The following ERBB4 variants were observed in gnomAD, a reference collection of about 807,000 sequenced individuals.
The protein encoded by ERBB4 is receptor tyrosine-protein kinase erbB-4.
A neutral mutation model predicts 158.0 loss-of-function variants in ERBB4; 42 were observed. The ratio of observed to expected loss-of-function variants is 0.27; its 90% CI spans 0.21 to 0.34. The LOEUF (loss-of-function observed/expected upper bound fraction) is 0.34. ERBB4 is among the 10% of genes least tolerant of loss of function. ERBB4 has a pLI of 1.00. For missense variants in ERBB4, 1,333 were observed against 1,624.1 expected, an observed-to-expected ratio of 0.82 and a Z score of 3.08; for synonymous variants, 583 against 558.7, an observed-to-expected ratio of 1.04 and a Z score of -0.61.
chr2:212,272,976 G>A lies in ERBB4; in HGVS notation c.83-148073C>T, dbSNP rs80045787. On this transcript the variant is annotated intron_variant, in intron 1 of 27. Transcript: ENST00000342788. ...AAAAACCACTACATTTTACTTACTT[G>A]GCAAGTTAGGATGGCCAACATATTT... Among the ~76,000 whole-genome samples the A allele has an allele frequency of 1.4e-3, 214 of 151,438 alleles. 1 individual carries two copies. Among genetic ancestry groups the A allele is most frequent in the African/African-American group, 4.9e-3 (202 of 41,356 alleles).
chr2:211,647,411 A>G (rs2070814211), intron 16 of ERBB4, among the ~76,000 whole-genome samples: 1 of 151,540 alleles, frequency 6.6e-6, no homozygotes, highest in Non-Finnish European at 1.5e-5. Context: ...AAACTTCCAT[A>G]TCTGTATATT....
intron 1 of ERBB4, among the ~76,000 whole-genome samples, chr2:212,137,300 T>G (rs1221550102): frequency 3.3e-5 from 5 of 152,158 alleles, no homozygotes; most frequent in Admixed American, 3.3e-4. Flanking sequence ...TACACATTAG[T>G]TATTTTTTCT....
intron 20 of ERBB4, among the ~76,000 whole-genome samples, chr2:211,560,057 G>A (rs1382934603): frequency 6.6e-6 from 1 of 152,134 alleles, no homozygotes; most frequent in Non-Finnish European, 1.5e-5. Flanking sequence ...AAGAAGCCAA[G>A]AGAAGACTTC....
chr2:212,333,568 T>C (rs963754763), intron 1 of ERBB4, among the ~76,000 whole-genome samples: 5 of 150,546 alleles, frequency 3.3e-5, no homozygotes, highest in Admixed American at 3.3e-4. Flanking sequence ...GTCATGCACC[T>C]AAGTAGTCCC....
At chr2:212,286,890 C>G (rs1482114228) in intron 1 of ERBB4, among the ~76,000 whole-genome samples, 2 of 148,848 alleles carry the variant, frequency 1.3e-5, no homozygotes, top group Non-Finnish European at 3.0e-5. Flanking sequence ...GGATTACGGG[C>G]GTGAGCCACC....
At chr2:212,373,826 T>TCC (rs1457229198) in intron 1 of ERBB4, among the ~76,000 whole-genome samples, 1 of 40,580 alleles carries the variant, frequency 2.5e-5, no homozygotes, top group African/African-American at 1.5e-4. Context: ...TATATATCCA[T>TCC]ATATATATAT....
chr2:212,263,984 G>T (rs962263941), intron 1 of ERBB4, among the ~76,000 whole-genome samples: 5 of 151,952 alleles, frequency 3.3e-5, no homozygotes, highest in African/African-American at 9.7e-5. Flanking sequence ...CTCCTATATT[G>T]CTGTGGTCAT....
intron 1 of ERBB4, among the ~76,000 whole-genome samples, chr2:212,262,671 G>A (rs1019457389): frequency 5.3e-5 from 8 of 152,076 alleles, no homozygotes; most frequent in African/African-American, 1.2e-4. Context: ...AAGGAGTAAG[G>A]AATAAATCCA....
intron 3 of ERBB4, among the ~76,000 whole-genome samples, chr2:211,801,794 ATACATTCATGTTC>A (rs1295454595): frequency 2.0e-5 from 3 of 152,240 alleles, no homozygotes; most frequent in African/African-American, 7.2e-5. Flanking sequence ...AGTATCTTGT[ATACATTCATGTTC>A]TACGCCTAAT....
chr2:211,651,119 C>T (rs1328667370), intron 16 of ERBB4, among the ~76,000 whole-genome samples: 2 of 152,100 alleles, frequency 1.3e-5, no homozygotes. Context: ...GCACCTGGAA[C>T]CAACATGGAC....
intron 1 of ERBB4, among the ~76,000 whole-genome samples, chr2:212,411,448 A>G (rs1273761331): frequency 2.0e-5 from 3 of 152,202 alleles, no homozygotes; most frequent in Non-Finnish European, 4.4e-5. Flanking sequence ...ATACACGTAG[A>G]TAAATATTTA....
At position 211,376,871 on chromosome 2, in the gene ERBB4, T is replaced by C; in HGVS notation, c.*6744A>G. ...TGCAGCCACGCAATCCCTGGTGCTCTCAACATGAGAAGGAGACACACCAGC... is the reference window on the plus strand; with the variant it reads ...TGCAGCCACGCAATCCCTGGTGCTCCCAACATGAGAAGGAGACACACCAGC... On this transcript the variant is annotated 3_prime_UTR_variant, in exon 28 of 28. Transcript: ENST00000342788. 1 of 233,168 alleles carries C rather than the reference T, an allele frequency of 4.3e-6. No individual in the cohort carries two copies. The highest frequency in any genetic ancestry group is 8.5e-6 in the Non-Finnish European group (1 of 117,698). 14.4% of individuals were successfully genotyped at this position (233,168 alleles called of 1,614,324 possible).
In ERBB4 at chr2:212,221,235, G is replaced by A. The variant is rs1050449213; in HGVS notation, c.83-96332C>T. ...AATGCAATTTAGATGTCAGCTGCTA[G>A]AATCAATATGAATGATCATATGCTC... On this transcript the variant is annotated intron_variant, in intron 1 of 27. Transcript: ENST00000342788. Among the ~76,000 whole-genome samples the A allele has an allele frequency of 2.7e-4, 41 of 151,540 alleles. 1 individual carries two copies. The highest frequency in any genetic ancestry group is 9.4e-4 in the African/African-American group (39 of 41,380).
intron 1 of ERBB4, among the ~76,000 whole-genome samples, chr2:212,213,789 A>G (rs1283163325): frequency 6.6e-6 from 1 of 151,842 alleles, no homozygotes; most frequent in African/African-American, 2.4e-5. Flanking sequence ...CACTCTTACC[A>G]AGGTCTATAG....
intron 5 of ERBB4, among the ~76,000 whole-genome samples, chr2:211,739,934 T>A (rs1051648797): frequency 2.6e-5 from 4 of 152,258 alleles, no homozygotes; most frequent in African/African-American, 9.6e-5. Flanking sequence ...ATTCATTTAA[T>A]TTTGTGGTTA....
At chr2:211,642,633 A>G (rs962058453) in intron 16 of ERBB4, among the ~76,000 whole-genome samples, 16 of 152,146 alleles carry the variant, frequency 1.1e-4, no homozygotes, top group Non-Finnish European at 4.4e-5. Context: ...TTTAAGTGCT[A>G]GAATTTTGCC....
At chr2:212,160,726 T>A (rs1559624122) in intron 1 of ERBB4, among the ~76,000 whole-genome samples, 1 of 152,128 alleles carries the variant, frequency 6.6e-6, no homozygotes, top group East Asian at 1.9e-4. Flanking sequence ...TAACTCTTCA[T>A]GAATTCTGTT....
At chr2:212,044,459 T>A (rs369046149) in intron 2 of ERBB4, among the ~76,000 whole-genome samples, 14 of 152,164 alleles carry the variant, frequency 9.2e-5, no homozygotes, top group East Asian at 7.7e-4. Context: ...CTCCCCCTTT[T>A]GAAACAGATT....
chr2:212,008,206 CA>C (rs1382662313), intron 2 of ERBB4, among the ~76,000 whole-genome samples: 2 of 151,974 alleles, frequency 1.3e-5, no homozygotes, highest in Non-Finnish European at 2.9e-5. Context: ...TACTAGTCTA[CA>C]GGGGGGTTTT....
Sources: allele counts gnomAD v4.1 joint callset (sites outside exome capture counted in the v4.1 genomes callset), GRCh38; gene constraint gnomAD v4.1.1; transcripts MANE v1.5; gene names NCBI Gene and HGNC (gene_info 2026-07-23, HGNC 2026-07-21).